ZMAT4: variants seen among roughly 807,000 people sequenced by gnomAD.
ZMAT4 encodes the protein zinc finger matrin-type protein 4.
In ZMAT4, 17 loss-of-function variants were observed where a neutral mutation model predicts 28.7. The observed-to-expected ratio is 0.59, with a 90% CI of 0.41 to 0.89. The LOEUF is 0.89. Among genes scored for constraint, ZMAT4 ranks in the 40% least tolerant of loss-of-function variants. The pLI is 0.00. For synonymous variants in ZMAT4, 117 were observed against 109.2 expected, an observed-to-expected ratio of 1.07 and a Z score of -0.44; for missense variants, 240 against 283.8, an observed-to-expected ratio of 0.85 and a Z score of 1.11.
intron 6 of ZMAT4, among the ~76,000 whole-genome samples, chr8:40,569,476 A>G (rs1247548207): frequency 6.6e-6 from 1 of 152,214 alleles, no homozygotes; most frequent in Admixed American, 6.5e-5. Context: ...AAGGCACTAC[A>G]CTAACTTACA....
chr8:40,572,975 T>A (rs528403661), intron 6 of ZMAT4, among the ~76,000 whole-genome samples: 1 of 152,298 alleles, frequency 6.6e-6, no homozygotes, highest in East Asian at 1.9e-4. Flanking sequence ...CTTGGAAAAG[T>A]CATTTAACTT....
chr8:40,811,179 T>C (rs889280080), intron 2 of ZMAT4, among the ~76,000 whole-genome samples: 2 of 152,126 alleles, frequency 1.3e-5, no homozygotes, highest in African/African-American at 4.8e-5. Flanking sequence ...GGCCCCCAAA[T>C]GCTGAAGGAG....
chr8:40,833,216 G>C (rs539159016), intron 1 of ZMAT4, among the ~76,000 whole-genome samples: 1 of 143,644 alleles, frequency 7.0e-6, no homozygotes, highest in Non-Finnish European at 1.5e-5. Flanking sequence ...GCTGGTTGCC[G>C]TGGCAGCAAA....
At chr8:40,859,207 T>C (rs1817404085) in intron 1 of ZMAT4, among the ~76,000 whole-genome samples, 1 of 152,182 alleles carries the variant, frequency 6.6e-6, no homozygotes, top group South Asian at 2.1e-4. Context: ...GGTGCCGTGA[T>C]TCCCCCTGCC....
intron 5 of ZMAT4, among the ~76,000 whole-genome samples, chr8:40,607,017 T>G (rs938871897): frequency 1.3e-5 from 2 of 152,062 alleles, no homozygotes; most frequent in African/African-American, 4.8e-5. Flanking sequence ...TTCCAGTGTA[T>G]TTTACATTTT....
chr8:40,796,289 C>A (rs1412215218), intron 2 of ZMAT4, among the ~76,000 whole-genome samples: 1 of 152,226 alleles, frequency 6.6e-6, no homozygotes, highest in Non-Finnish European at 1.5e-5. Flanking sequence ...ATGACACTCA[C>A]CTCAAGGCAT....
intron 1 of ZMAT4, among the ~76,000 whole-genome samples, chr8:40,831,167 T>A (rs1816267445): frequency 6.6e-6 from 1 of 152,196 alleles, no homozygotes; most frequent in African/African-American, 2.4e-5. Context: ...GTATCAACAA[T>A]ACCATCCACA....
chr8:40,665,759 G>C (rs1309296679), intron 5 of ZMAT4, among the ~76,000 whole-genome samples: 3 of 152,098 alleles, frequency 2.0e-5, no homozygotes, highest in Admixed American at 6.6e-5. Context: ...TGAATCACCA[G>C]AAATTGTGAC....
intron 1 of ZMAT4, among the ~76,000 whole-genome samples, chr8:40,862,583 T>TGA (rs1404319425): frequency 1.9e-5 from 1 of 53,334 alleles, no homozygotes; most frequent in Non-Finnish European, 4.0e-5. Context: ...AAAAAAAAAA[T>TGA]TAAAAAAAAA....
chr8:40,607,206 G>T (rs1239041462), intron 5 of ZMAT4, among the ~76,000 whole-genome samples: 2 of 136,038 alleles, frequency 1.5e-5, no homozygotes, highest in African/African-American at 5.5e-5. Flanking sequence ...CTCACTGCAA[G>T]CTCCGCCTCC....
In ZMAT4 at chr8:40,785,778, C is replaced by T. The variant is rs185450993; in HGVS notation, c.103-18048G>A. Among the ~76,000 whole-genome samples the T allele has an allele frequency of 1.1e-3, 173 of 152,274 alleles. 1 individual carries two copies. The highest frequency in any genetic ancestry group is 3.9e-3 in the African/African-American group (162 of 41,556). ...GAAAATAATAAAGTCTTCATCCTAA[C>T]GTTATTGGGCACCACATTATGCAGT... is the stretch of plus-strand genomic sequence containing the variant. On this transcript the variant is annotated intron_variant, in intron 2 of 6. Coordinates refer to ENST00000297737, the MANE Select transcript of ZMAT4 (RefSeq NM_024645.3).
chr8:40,622,328 G>T (rs1806230789), intron 5 of ZMAT4, among the ~76,000 whole-genome samples: 1 of 152,174 alleles, frequency 6.6e-6, no homozygotes, highest in Non-Finnish European at 1.5e-5. Flanking sequence ...TACAGGAAAA[G>T]ACCCTTGCCC....
intron 1 of ZMAT4, among the ~76,000 whole-genome samples, chr8:40,843,549 T>C (rs140212169): frequency 3.7e-4 from 57 of 152,300 alleles, no homozygotes; most frequent in African/African-American, 1.3e-3. Context: ...TAAAATCTCT[T>C]CTCTGGTCTT....
chr8:40,700,937 C>T (rs537236093), intron 3 of ZMAT4, among the ~76,000 whole-genome samples: 3 of 152,290 alleles, frequency 2.0e-5, no homozygotes, highest in African/African-American at 7.2e-5. Context: ...CCACATTTAC[C>T]ACACTGGAGG....
chr8:40,714,882 C>T (rs1357049548), intron 3 of ZMAT4, among the ~76,000 whole-genome samples: 1 of 151,792 alleles, frequency 6.6e-6, no homozygotes, highest in Non-Finnish European at 1.5e-5. Flanking sequence ...AATCCCATCT[C>T]TACTAAAAAT....
At chr8:40,743,241 T>A (rs545451673) in intron 3 of ZMAT4, among the ~76,000 whole-genome samples, 67 of 152,320 alleles carry the variant, frequency 4.4e-4, no homozygotes, top group Non-Finnish European at 9.0e-4. Context: ...CTTTCCCTAC[T>A]CAGGAAGAAT....
chr8:40,718,424 C>T (rs1379604149), intron 3 of ZMAT4, among the ~76,000 whole-genome samples: 1 of 152,174 alleles, frequency 6.6e-6, no homozygotes, highest in Non-Finnish European at 1.5e-5. Context: ...AGAAGTAAGC[C>T]AGTTTGTTCT....
intron 3 of ZMAT4, among the ~76,000 whole-genome samples, chr8:40,733,965 T>C (rs896251537): frequency 4.6e-5 from 7 of 152,128 alleles, no homozygotes; most frequent in African/African-American, 1.7e-4. Flanking sequence ...CAAGATACTA[T>C]GTACACTAAA....
In ZMAT4 at chr8:40,877,650, T is replaced by G. The variant is rs146343789; in HGVS notation, c.-5+20033A>C. The stretch of plus-strand genomic sequence containing the variant: ...ATGTGTTTGAACACATTCAAAATTT[T>G]TACTTCTGTTTAGACATGGAACTAT... On this transcript the variant is annotated intron_variant, in intron 1 of 6. Transcript: ENST00000297737. Among the ~76,000 whole-genome samples, 225 of 152,336 alleles carry G rather than the reference T, an allele frequency of 1.5e-3. 2 individuals are homozygous for G. The highest frequency in any genetic ancestry group is 5.1e-3 in the African/African-American group (210 of 41,572).
Sources: gnomAD v4.1 joint callset for allele counts (sites outside exome capture counted in the v4.1 genomes callset) on GRCh38, gnomAD v4.1.1 for gene constraint, MANE v1.5 for transcripts, NCBI Gene and HGNC (gene_info 2026-07-23, HGNC 2026-07-21) for gene names.